CPNE4: variants seen among roughly 807,000 people sequenced by gnomAD.
CPNE4 encodes the protein copine-4.
Under a neutral mutation model 67.9 loss-of-function variants are expected in CPNE4, and 25 were observed. The ratio of observed to expected loss-of-function variants is 0.37; its 90% CI spans 0.27 to 0.51. The LOEUF (loss-of-function observed/expected upper bound fraction) is 0.51. Among genes scored for constraint, CPNE4 ranks in the 20% least tolerant of loss-of-function variants. The pLI, the probability that CPNE4 is intolerant of heterozygous loss-of-function variation, is 0.93. For missense variants in CPNE4, 464 were observed against 690.8 expected (o/e 0.67, Z 3.68); for synonymous variants, 242 against 244.9 (o/e 0.99, Z 0.11).
chr3:131,860,002 C>G (rs1311417825), intron 2 of CPNE4, among the ~76,000 whole-genome samples: 2 of 152,144 alleles, frequency 1.3e-5, no homozygotes, highest in Non-Finnish European at 2.9e-5. Context: ...GCAATAATCT[C>G]CCTCATTCCT....
intron 1 of CPNE4, among the ~76,000 whole-genome samples, chr3:131,933,841 C>G (rs2071141787): frequency 6.7e-6 from 1 of 148,642 alleles, no homozygotes; most frequent in South Asian, 2.1e-4. Context: ...CTGAGACAAT[C>G]AAACTCATAG....
At chr3:131,943,915 T>C (rs1263064450) in intron 1 of CPNE4, among the ~76,000 whole-genome samples, 1 of 152,164 alleles carries the variant, frequency 6.6e-6, no homozygotes, top group African/African-American at 2.4e-5. Flanking sequence ...GAAGTTTTTC[T>C]GAGGGCCTCA....
At chr3:131,903,683 T>G (rs1370752470) in intron 2 of CPNE4, among the ~76,000 whole-genome samples, 1 of 152,126 alleles carries the variant, frequency 6.6e-6, no homozygotes, top group Non-Finnish European at 1.5e-5. Flanking sequence ...TTTCCTTGCC[T>G]GTAAAATGGG....
intron 1 of CPNE4, among the ~76,000 whole-genome samples, chr3:131,977,102 A>T: frequency 6.6e-6 from 1 of 152,112 alleles, no homozygotes. Flanking sequence ...GCCCAGCCAC[A>T]TTATCATTCT....
Position 131,968,617 on chromosome 3 carries a change from C to T in CPNE4, c.-1-63173G>A, listed in dbSNP as rs562861405. On this transcript the variant is annotated intron_variant, in intron 1 of 15. Transcript: ENST00000429747. ...ACATTTGAAAAAAAGCTCATCATCA[C>T]TGGTCATTAGAGCAATGCAAATCAA... Among the ~76,000 whole-genome samples, 2 of 152,342 alleles carry T rather than the reference C, an allele frequency of 1.3e-5. 1 individual carries two copies. The highest frequency in any genetic ancestry group is 4.1e-4 in the South Asian group (2 of 4,828).
intron 2 of CPNE4, among the ~76,000 whole-genome samples, chr3:131,862,715 A>ATT (rs71622079): frequency 3.6e-4 from 48 of 131,624 alleles, no homozygotes; most frequent in Admixed American, 1.3e-3. Context: ...ATATATATAT[A>ATT]TTTTTATTAT....
chr3:131,704,707 G>A (rs910243248), intron 3 of CPNE4, among the ~76,000 whole-genome samples: 3 of 152,096 alleles, frequency 2.0e-5, no homozygotes, highest in Non-Finnish European at 2.9e-5. Context: ...GTCATTTAAT[G>A]ATCATTTATG....
At chr3:131,773,441 G>T (rs1464469770) in intron 2 of CPNE4, among the ~76,000 whole-genome samples, 1 of 151,996 alleles carries the variant, frequency 6.6e-6, no homozygotes, top group Non-Finnish European at 1.5e-5. Flanking sequence ...TCTGCCTCCT[G>T]GGTTCAAGCG....
At chr3:132,020,889 T>C (rs755518350) in intron 1 of CPNE4, among the ~76,000 whole-genome samples, 26 of 152,190 alleles carry the variant, frequency 1.7e-4, no homozygotes, top group Non-Finnish European at 3.4e-4. Flanking sequence ...ATAAACAGTA[T>C]GTTCTTCAAC....
At chr3:131,560,312 C>T (rs1033097643) in intron 11 of CPNE4, among the ~76,000 whole-genome samples, 2 of 151,998 alleles carry the variant, frequency 1.3e-5, no homozygotes, top group Admixed American at 6.6e-5. Context: ...GGTTTGAGCC[C>T]GGGTCTAACT....
intron 7 of CPNE4, among the ~76,000 whole-genome samples, chr3:131,606,055 T>G (rs776623229): frequency 7.2e-5 from 11 of 152,116 alleles, no homozygotes; most frequent in Non-Finnish European, 1.3e-4. Context: ...TTGATTGCTG[T>G]GATTTGATGC....
chr3:131,900,913 T>G (rs2088528557), intron 2 of CPNE4, among the ~76,000 whole-genome samples: 1 of 152,084 alleles, frequency 6.6e-6, no homozygotes, highest in African/African-American at 2.4e-5. Flanking sequence ...GGTAGGTAGT[T>G]TTCAGAATTA....
At chr3:131,944,480 C>T (rs930606618) in intron 1 of CPNE4, among the ~76,000 whole-genome samples, 21 of 152,056 alleles carry the variant, frequency 1.4e-4, no homozygotes, top group African/African-American at 4.8e-4. Flanking sequence ...ACTAATATTT[C>T]ACTCTCCACA....
chr3:131,816,028 T>C (rs569085506), intron 2 of CPNE4, among the ~76,000 whole-genome samples: 15 of 152,326 alleles, frequency 9.8e-5, no homozygotes, highest in Admixed American at 6.5e-4. Context: ...GCTTGGCCTA[T>C]GTGCAGGGGT....
intron 2 of CPNE4, among the ~76,000 whole-genome samples, chr3:131,764,206 A>G (rs557254067): frequency 6.6e-6 from 1 of 152,116 alleles, no homozygotes; most frequent in South Asian, 2.1e-4. Context: ...TGCTCAAAAT[A>G]TGCAGGTGGG....
intron 1 of CPNE4, among the ~76,000 whole-genome samples, chr3:132,011,272 G>C (rs550801055): frequency 6.6e-6 from 1 of 152,200 alleles, no homozygotes; most frequent in East Asian, 1.9e-4. Flanking sequence ...AAACGAGTTG[G>C]CAGAGAACTG....
intron 7 of CPNE4, among the ~76,000 whole-genome samples, chr3:131,609,323 A>G (rs1271466433): frequency 6.6e-6 from 1 of 152,144 alleles, no homozygotes; most frequent in African/African-American, 2.4e-5. Flanking sequence ...TGTGCTTTCC[A>G]GTGTAGGGTT....
At chr3:131,574,969 G>A in intron 10 of CPNE4, 102 bp downstream of exon 10, 11 of 962,144 alleles carry the variant, frequency 1.1e-5, no homozygotes, top group Non-Finnish European at 1.7e-6. Flanking sequence ...GCTGCCTGAA[G>A]GTTTTAATAA....
chr3:131,750,323 T>C (rs888914535), intron 2 of CPNE4, among the ~76,000 whole-genome samples: 3 of 152,188 alleles, frequency 2.0e-5, no homozygotes, highest in African/African-American at 7.2e-5. Context: ...TCTGTTGTAA[T>C]TATCGATATG....
Sources: gnomAD v4.1 joint callset for allele counts (sites outside exome capture counted in the v4.1 genomes callset) on GRCh38, gnomAD v4.1.1 for gene constraint, MANE v1.5 for transcripts, NCBI Gene and HGNC (gene_info 2026-07-23, HGNC 2026-07-21) for gene names.